Variants in PARP8 observed in about 807,000 individuals in gnomAD.
PARP8 encodes the protein protein mono-ADP-ribosyltransferase PARP8.
PARP8 carries 51 observed loss-of-function variants against 124.1 expected under a neutral mutation model. The observed-to-expected ratio is 0.41, with a 90% CI of 0.33 to 0.52. The LOEUF (loss-of-function observed/expected upper bound fraction) is 0.52, where lower values mean the gene tolerates loss of function less well. Among genes scored for constraint, PARP8 ranks in the 20% least tolerant of loss-of-function variants. The pLI is 0.21. For missense variants in PARP8, 860 were observed against 1,018.9 expected, an observed-to-expected ratio of 0.84 and a Z score of 2.12; for synonymous variants, 391 against 361.5, an observed-to-expected ratio of 1.08 and a Z score of -0.93.
At chr5:50,823,101 A>C (rs1745950357) in intron 17 of PARP8, among the ~76,000 whole-genome samples, 1 of 152,206 alleles carries the variant, frequency 6.6e-6, no homozygotes, top group Non-Finnish European at 1.5e-5. Context: ...GCTTGCATGT[A>C]GTGGTTTCAA....
At chr5:50,706,178 C>G (rs1754129578) in intron 2 of PARP8, among the ~76,000 whole-genome samples, 1 of 151,878 alleles carries the variant, frequency 6.6e-6, no homozygotes, top group African/African-American at 2.4e-5. Flanking sequence ...TAAATCATAT[C>G]CCATTGTTAT....
chr5:50,825,680 G>A (rs1283430859), intron 18 of PARP8, among the ~76,000 whole-genome samples: 1 of 151,790 alleles, frequency 6.6e-6, no homozygotes, highest in African/African-American at 2.4e-5. Flanking sequence ...TTATACACAT[G>A]TCTCTTTGAA....
intron 2 of PARP8, among the ~76,000 whole-genome samples, chr5:50,716,975 G>A (rs1331357110): frequency 1.3e-5 from 2 of 152,068 alleles, no homozygotes; most frequent in Admixed American, 1.3e-4. Context: ...TGTTCAGTGT[G>A]TTTGCAATAC....
At chr5:50,696,537 C>CTCTTGCTCTTTCCCTCTGCAACAGCGTT (rs1753044476) in intron 2 of PARP8, among the ~76,000 whole-genome samples, 2 of 152,174 alleles carry the variant, frequency 1.3e-5, no homozygotes, top group African/African-American at 4.8e-5. Context: ...CCAGTAACTT[C>CTCTTGCTCTTTCCCTCTGCAACAGCGTT]TCTTGCTCTT....
At chr5:50,841,420 A>T (rs547886104) in intron 25 of PARP8, among the ~76,000 whole-genome samples, 1 of 151,876 alleles carries the variant, frequency 6.6e-6, no homozygotes, top group East Asian at 1.9e-4. Flanking sequence ...ATGAACTGCC[A>T]GAATAAATAA....
chr5:50,778,449 C>A, intron 8 of PARP8, 111 bp from the exon 9 acceptor site: 3 of 822,438 alleles, frequency 3.6e-6, no homozygotes, highest in Non-Finnish European at 3.9e-6. Flanking sequence ...AACTTATAGG[C>A]CTTCATGTTA....
chr5:50,692,560 TAAA>T (rs1386321047), intron 2 of PARP8, among the ~76,000 whole-genome samples: 8 of 152,116 alleles, frequency 5.3e-5, no homozygotes, highest in Non-Finnish European at 8.8e-5. Flanking sequence ...GTGCCTGACT[TAAA>T]GAAGTACTCA....
intron 15 of PARP8, among the ~76,000 whole-genome samples, chr5:50,819,502 G>A (rs536506661): frequency 5.2e-4 from 69 of 132,652 alleles, no homozygotes; most frequent in Non-Finnish European, 7.4e-4. Flanking sequence ...GTGCAGTGGC[G>A]CAATCTTGGC....
In PARP8 at chr5:50,667,562, C is replaced by A. The variant is rs960334775; in HGVS notation, c.91+376C>A. The A allele has an allele frequency of 5.3e-5, 37 of 697,694 alleles. No individual in the cohort carries two copies. In the African/African-American group the frequency reaches 5.6e-4, roughly 11 times the overall value. The allele number at this position is 697,694 out of a possible 1,614,324, so 43.2% of individuals were successfully genotyped here. Reference sequence around the variant, plus strand: ...TTGGTTTGCGCAATGGGCTGAGCGGCGGCGGCCGGGAATGGAGCCTGCTGC... The same window carrying A: ...TTGGTTTGCGCAATGGGCTGAGCGGAGGCGGCCGGGAATGGAGCCTGCTGC... On this transcript the variant is annotated intron_variant, in intron 1 of 25. Transcript: ENST00000281631.
At chr5:50,706,470 T>C (rs1219115990) in intron 2 of PARP8, among the ~76,000 whole-genome samples, 2 of 152,110 alleles carry the variant, frequency 1.3e-5, no homozygotes, top group Non-Finnish European at 2.9e-5. Context: ...GATGGTAAAC[T>C]TCTTAGGATT....
At chr5:50,716,406 GA>G (rs1371002132) in intron 2 of PARP8, among the ~76,000 whole-genome samples, 6 of 152,220 alleles carry the variant, frequency 3.9e-5, no homozygotes, top group African/African-American at 1.4e-4. Context: ...GAGCTGAGCA[GA>G]GGGAGCTGGC....
intron 2 of PARP8, among the ~76,000 whole-genome samples, chr5:50,738,696 C>G (rs1253607787): frequency 7.2e-6 from 1 of 139,764 alleles, no homozygotes; most frequent in Non-Finnish European, 1.5e-5. Context: ...TACACTAATG[C>G]TAAAGAAAGC....
At chr5:50,745,201 C>G (rs535970216) in intron 2 of PARP8, among the ~76,000 whole-genome samples, 1 of 152,264 alleles carries the variant, frequency 6.6e-6, no homozygotes, top group East Asian at 1.9e-4. Flanking sequence ...ATGGGAATGT[C>G]TCCTAATATC....
At chr5:50,767,605 C>G (rs1487072342) in intron 7 of PARP8, among the ~76,000 whole-genome samples, 1 of 152,184 alleles carries the variant, frequency 6.6e-6, no homozygotes, top group African/African-American at 2.4e-5. Flanking sequence ...CTCTTATGCA[C>G]AGTTTTACAT....
At position 50,778,613 on chromosome 5, in the gene PARP8, A is replaced by T; in HGVS notation, c.633A>T (p.Arg211=). The part of the protein sequence containing the change: ...EVIRTEPIIV[R]LHCSLTQYLN... ...TTCGAACAGAACCTATAATTGTTCG[A>T]CTACACTGTTCACTTACACAGTATT... The change falls in exon 9 of 26, where the codon CGA becomes CGT. Residue 211 remains arginine, a synonymous_variant. Coordinates refer to ENST00000281631, the MANE Select transcript of PARP8 (RefSeq NM_024615.4). 6.2e-7 allele frequency: 1 copy of T among 1,608,896 alleles called. No homozygotes were observed. Among genetic ancestry groups the T allele is most frequent in the Non-Finnish European group, 8.5e-7 (1 of 1,178,132 alleles).
chr5:50,779,438 C>T (rs112282082), intron 9 of PARP8, among the ~76,000 whole-genome samples: 9 of 152,254 alleles, frequency 5.9e-5, no homozygotes, highest in South Asian at 2.1e-4. Context: ...CAATGCTGGA[C>T]GTTCAAATGG....
In PARP8 at chr5:50,801,769, A is replaced by G. The variant is rs1047442534; in HGVS notation, c.1575+4536A>G. ...ATTGTTTTTACCTTCAGTTCTTTCA[A>G]TATTTGATTCATGTATTTTGGGAAA... On this transcript the variant is annotated intron_variant, in intron 14 of 25. Coordinates refer to ENST00000281631, the MANE Select transcript of PARP8 (RefSeq NM_024615.4). Among the ~76,000 whole-genome samples, 136 of 152,216 alleles carry G rather than the reference A, an allele frequency of 8.9e-4. 1 individual carries two copies. The highest frequency in any genetic ancestry group is 3.1e-3 in the African/African-American group (130 of 41,534).
At chr5:50,688,064 G>T (rs1352041718) in intron 2 of PARP8, among the ~76,000 whole-genome samples, 2 of 152,152 alleles carry the variant, frequency 1.3e-5, no homozygotes, top group Non-Finnish European at 2.9e-5. Context: ...GCCCAGGCTT[G>T]TCTGGAAGTT....
At chr5:50,799,931 C>T (rs1743010186) in intron 14 of PARP8, among the ~76,000 whole-genome samples, 1 of 152,168 alleles carries the variant, frequency 6.6e-6, no homozygotes, top group African/African-American at 2.4e-5. Flanking sequence ...AATCTCCTGA[C>T]ATCTTTATCT....
Sources: allele counts gnomAD v4.1 joint callset (sites outside exome capture counted in the v4.1 genomes callset), GRCh38; gene constraint gnomAD v4.1.1; transcripts MANE v1.5; gene names NCBI Gene and HGNC (gene_info 2026-07-23, HGNC 2026-07-21).